NRXN3: variants seen among roughly 807,000 people sequenced by gnomAD.
NRXN3 encodes the protein neurexin 3.
Under a neutral mutation model 137.6 loss-of-function variants are expected in NRXN3, and 32 were observed. The observed-to-expected ratio is 0.23, with a 90% CI of 0.18 to 0.31. The LOEUF is 0.31. Among genes scored for constraint, NRXN3 ranks in the 10% least tolerant of loss-of-function variants. NRXN3 has a pLI of 1.00. For synonymous variants in NRXN3, 798 were observed against 784.5 expected, an observed-to-expected ratio of 1.02 and a Z score of -0.29; for missense variants, 1,574 against 2,062.5, an observed-to-expected ratio of 0.76 and a Z score of 4.59.
At chr14:79,479,723 C>T (rs1237708175) in intron 16 of NRXN3, among the ~76,000 whole-genome samples, 2 of 151,974 alleles carry the variant, frequency 1.3e-5, no homozygotes, top group South Asian at 4.2e-4. Flanking sequence ...TTTTTTGCTT[C>T]CCAGTATTTG....
intron 4 of NRXN3, among the ~76,000 whole-genome samples, chr14:78,387,404 T>G (rs1030802779): frequency 1.3e-5 from 2 of 152,160 alleles, no homozygotes; most frequent in Non-Finnish European, 2.9e-5. Flanking sequence ...TATGTGACCT[T>G]GGGGTGACCT....
chr14:78,557,435 A>G (rs1401416201), intron 4 of NRXN3, among the ~76,000 whole-genome samples: 1 of 152,140 alleles, frequency 6.6e-6, no homozygotes, highest in African/African-American at 2.4e-5. Context: ...GAAGGAGCAT[A>G]GTAACTCTAA....
Position 79,839,043 on chromosome 14 carries a change from T to C in NRXN3, c.4094-22299T>C, listed in dbSNP as rs117671861. On this transcript the variant is annotated intron_variant, in intron 20 of 20. Coordinates refer to ENST00000335750, the MANE Select transcript of NRXN3 (RefSeq NM_001330195.2). ...CTGGGCAAGGTGTTGTCTGACTTTA[T>C]GGACAGAAAAGGACTGAAGAAAGCA... Among the ~76,000 whole-genome samples the C allele has an allele frequency of 2.4e-4, 36 of 152,272 alleles. No homozygotes were observed. The East Asian group carries it at 6.4e-3, about 27-fold the overall frequency.
chr14:78,204,215 T>C (rs1397299380), intron 1 of NRXN3, among the ~76,000 whole-genome samples: 1 of 152,124 alleles, frequency 6.6e-6, no homozygotes, highest in East Asian at 1.9e-4. Flanking sequence ...TAATGTATTT[T>C]TGCTAAGCCT....
In NRXN3 at chr14:79,568,651, C is replaced by T. The variant is rs548094071; in HGVS notation, c.3445-95127C>T. Among the ~76,000 whole-genome samples, 188 of 152,258 alleles carry T rather than the reference C, an allele frequency of 1.2e-3. 1 individual carries two copies. The highest frequency in any genetic ancestry group is 1.9e-3 in the South Asian group (9 of 4,820). On this transcript the variant is annotated intron_variant, in intron 16 of 20. Transcript: ENST00000335750. Reference sequence around the variant, plus strand: ...TCCTCCTGTGGCTTTTATTAATGGACCAAAGTTTGGTTCCTGTGAGGACTG... The same window carrying T: ...TCCTCCTGTGGCTTTTATTAATGGATCAAAGTTTGGTTCCTGTGAGGACTG...
At chr14:78,758,057 A>T (rs1434163672) in intron 8 of NRXN3, among the ~76,000 whole-genome samples, 1 of 152,168 alleles carries the variant, frequency 6.6e-6, no homozygotes, top group Non-Finnish European at 1.5e-5. Context: ...ATGTGTGAAG[A>T]ATTAACTGGT....
chr14:79,007,805 CAAAA>C (rs1160867331), intron 15 of NRXN3, among the ~76,000 whole-genome samples: 1 of 37,990 alleles, frequency 2.6e-5, no homozygotes, highest in South Asian at 1.0e-3. Context: ...GACTCCATCT[CAAAA>C]AAAAAAAAAA....
intron 19 of NRXN3, among the ~76,000 whole-genome samples, chr14:79,757,864 C>T (rs1277631873): frequency 6.6e-6 from 1 of 152,106 alleles, no homozygotes; most frequent in Non-Finnish European, 1.5e-5. Flanking sequence ...AGAGACCATC[C>T]TATCATCAAA....
At chr14:79,612,507 A>G (rs932280352) in intron 16 of NRXN3, among the ~76,000 whole-genome samples, 3 of 152,200 alleles carry the variant, frequency 2.0e-5, no homozygotes, top group Non-Finnish European at 4.4e-5. Flanking sequence ...GTAACCATGT[A>G]AAAGAAACTG....
chr14:78,517,381 G>A (rs1301521034), intron 4 of NRXN3, among the ~76,000 whole-genome samples: 1 of 152,098 alleles, frequency 6.6e-6, no homozygotes, highest in African/African-American at 2.4e-5. Context: ...GTACATATGG[G>A]TGACTAGAAT....
At position 79,504,647 on chromosome 14, in the gene NRXN3, A is replaced by ATG. The variant is rs1406427986; in HGVS notation, c.3444+37246_3444+37247insGT. Among the ~76,000 whole-genome samples the ATG allele has an allele frequency of 1.3e-3, 160 of 123,254 alleles. 1 individual carries two copies. The highest frequency in any genetic ancestry group is 4.9e-3 in the African/African-American group (153 of 31,084). The allele number at this position is 123,254 out of a possible 152,430, so 80.9% of individuals were successfully genotyped here. ...CATTATAAAATGAAGTTTTTTATAT[A>ATG]TATATATGTATATATATATATATAT... is the stretch of plus-strand genomic sequence containing the variant. On this transcript the variant is annotated intron_variant, in intron 16 of 20. Coordinates refer to ENST00000335750, the MANE Select transcript of NRXN3 (RefSeq NM_001330195.2).
chr14:78,304,577 A>G (rs377232405), intron 4 of NRXN3, among the ~76,000 whole-genome samples: 2 of 152,164 alleles, frequency 1.3e-5, no homozygotes, highest in African/African-American at 4.8e-5. Context: ...TGTTGAGAGT[A>G]TATTTTGGCC....
chr14:79,583,872 C>A (rs188359085), intron 16 of NRXN3, among the ~76,000 whole-genome samples: 3 of 152,120 alleles, frequency 2.0e-5, no homozygotes, highest in African/African-American at 7.2e-5. Context: ...GAATATGAAG[C>A]CTCTATTTGG....
At chr14:79,402,713 G>A (rs542019488) in intron 15 of NRXN3, among the ~76,000 whole-genome samples, 2 of 152,234 alleles carry the variant, frequency 1.3e-5, no homozygotes, top group South Asian at 2.1e-4. Flanking sequence ...AGGGATTGTC[G>A]GGATGGGCTT....
chr14:78,370,206 C>T (rs927111322), intron 4 of NRXN3, among the ~76,000 whole-genome samples: 8 of 152,116 alleles, frequency 5.3e-5, no homozygotes, highest in Non-Finnish European at 7.4e-5. Context: ...ATCATTCCAA[C>T]GTAGTGATCT....
At chr14:78,767,508 C>T (rs147725137) in intron 8 of NRXN3, among the ~76,000 whole-genome samples, 2 of 152,302 alleles carry the variant, frequency 1.3e-5, no homozygotes, top group Non-Finnish European at 2.9e-5. Context: ...CTATCTACCA[C>T]ACTGTCAACG....
At chr14:78,825,505 A>G (rs2098964168) in intron 10 of NRXN3, among the ~76,000 whole-genome samples, 2 of 152,244 alleles carry the variant, frequency 1.3e-5, no homozygotes. Flanking sequence ...ATTTCTGAAC[A>G]GAAGCATAGC....
chr14:78,975,544 G>T (rs2099462000), intron 14 of NRXN3, among the ~76,000 whole-genome samples: 1 of 152,104 alleles, frequency 6.6e-6, no homozygotes, highest in African/African-American at 2.4e-5. Context: ...CAGAGATTTG[G>T]GTTGGATTTT....
chr14:79,131,614 G>T (rs2057491408), intron 15 of NRXN3, among the ~76,000 whole-genome samples: 1 of 152,214 alleles, frequency 6.6e-6, no homozygotes, highest in Admixed American at 6.5e-5. Flanking sequence ...GTCTGCAGAG[G>T]TTACTGCTGT....
Sources: allele counts gnomAD v4.1 joint callset (sites outside exome capture counted in the v4.1 genomes callset), GRCh38; gene constraint gnomAD v4.1.1; transcripts MANE v1.5; gene names NCBI Gene and HGNC (gene_info 2026-07-23, HGNC 2026-07-21).